The following NALF1 variants were observed in gnomAD, a reference collection of about 807,000 sequenced individuals.
NALF1 encodes NALCN channel auxiliary factor 1.
Under a neutral mutation model 48.4 loss-of-function variants are expected in NALF1, and 3 were observed. The observed-to-expected ratio is 0.06, with a 90% CI of 0.03 to 0.16. The LOEUF (loss-of-function observed/expected upper bound fraction) is 0.16, where lower values mean the gene tolerates loss of function less well. Among genes scored for constraint, NALF1 ranks in the 10% least tolerant of loss-of-function variants. The pLI is 1.00. For missense variants in NALF1, 526 were observed against 571.5 expected (o/e 0.92, Z 0.81); for synonymous variants, 262 against 245.7 (o/e 1.07, Z -0.62).
At chr13:107,518,641 T>G (rs1876138412) in intron 1 of NALF1, among the ~76,000 whole-genome samples, 1 of 152,100 alleles carries the variant, frequency 6.6e-6, no homozygotes, top group Admixed American at 6.5e-5. Flanking sequence ...GGACAGTAGA[T>G]ACACATAAAC....
At chr13:107,379,972 A>T (rs1006322042) in intron 1 of NALF1, among the ~76,000 whole-genome samples, 4 of 152,212 alleles carry the variant, frequency 2.6e-5, no homozygotes, top group African/African-American at 7.2e-5. Context: ...TCTCTTCCAG[A>T]GGCACAGGCT....
chr13:107,735,624 C>T (rs187849787), intron 1 of NALF1, among the ~76,000 whole-genome samples: 259 of 152,178 alleles, frequency 1.7e-3, no homozygotes, highest in East Asian at 2.1e-3. Flanking sequence ...CAAAACAGAC[C>T]CCTTAAGGAG....
chr13:107,358,045 C>G (rs772881083), intron 1 of NALF1, among the ~76,000 whole-genome samples: 1 of 152,006 alleles, frequency 6.6e-6, no homozygotes, highest in Non-Finnish European at 1.5e-5. Flanking sequence ...TATATGCACA[C>G]GTGTGCATAT....
intron 1 of NALF1, chr13:107,466,168 C>T (rs976019930): frequency 2.0e-5 from 3 of 152,174 alleles, no homozygotes. Flanking sequence ...AAAAACAGTG[C>T]AGGAAAAGGG....
intron 1 of NALF1, among the ~76,000 whole-genome samples, chr13:107,536,123 C>T (rs1876799900): frequency 6.6e-6 from 1 of 152,124 alleles, no homozygotes; most frequent in South Asian, 2.1e-4. Context: ...CCATAAAAAT[C>T]CTAGAAGAAA....
intron 1 of NALF1, among the ~76,000 whole-genome samples, chr13:107,411,741 A>T (rs1163510753): frequency 8.5e-5 from 13 of 152,190 alleles, no homozygotes; most frequent in Admixed American, 8.5e-4. Context: ...CAACGGCCTC[A>T]CTACTGAACT....
At chr13:107,594,664 T>C (rs1448968843) in intron 1 of NALF1, among the ~76,000 whole-genome samples, 1 of 152,108 alleles carries the variant, frequency 6.6e-6, no homozygotes, top group African/African-American at 2.4e-5. Context: ...TATATTCATA[T>C]AAGTTTGTGT....
chr13:107,369,018 G>A (rs1883202105), intron 1 of NALF1, among the ~76,000 whole-genome samples: 1 of 152,156 alleles, frequency 6.6e-6, no homozygotes, highest in Non-Finnish European at 1.5e-5. Context: ...GCAGTTCCCT[G>A]CCTGCCTAAC....
rs575784099 is a variant in NALF1 at position 107,438,055 on chromosome 13, G to T, written c.916-227300C>A. On this transcript the variant is annotated intron_variant, in intron 1 of 2. Transcript: ENST00000375915. Reference sequence around the variant, plus strand: ...ATGTGGACATCCAATGTATTTTTCAGTTTTTCTACATGGTTGTAAATTATT... The same window carrying T: ...ATGTGGACATCCAATGTATTTTTCATTTTTTCTACATGGTTGTAAATTATT... Among the ~76,000 whole-genome samples, 19 of 152,196 alleles carry T rather than the reference G, an allele frequency of 1.2e-4. 1 individual carries two copies. In the East Asian group the frequency reaches 3.7e-3, roughly 29 times the overall value.
chr13:107,663,454 G>A (rs1027437197), intron 1 of NALF1, among the ~76,000 whole-genome samples: 90 of 152,312 alleles, frequency 5.9e-4, no homozygotes, highest in African/African-American at 2.1e-3. Context: ...TGAGTCTTCG[G>A]TTAAAGGTTA....
chr13:107,426,298 CCCTGTGTGTT>C (rs1260336935), intron 1 of NALF1, among the ~76,000 whole-genome samples: 109 of 152,206 alleles, frequency 7.2e-4, no homozygotes, highest in African/African-American at 2.5e-3. Context: ...AGGTTTCTTT[CCCTGTGTGTT>C]CCTTCCTATA....
At chr13:107,472,427 T>A (rs924094945) in intron 1 of NALF1, among the ~76,000 whole-genome samples, 1 of 152,184 alleles carries the variant, frequency 6.6e-6, no homozygotes, top group Non-Finnish European at 1.5e-5. Context: ...TGAAGTATTG[T>A]TCCTGGGTGT....
At chr13:107,518,969 G>A (rs1728974098) in intron 1 of NALF1, among the ~76,000 whole-genome samples, 2 of 152,198 alleles carry the variant, frequency 1.3e-5, no homozygotes, top group African/African-American at 4.8e-5. Context: ...TAAGGTTGAA[G>A]TAAACTAGCA....
chr13:107,778,862 G>A (rs1052681652), intron 1 of NALF1, among the ~76,000 whole-genome samples: 1 of 152,098 alleles, frequency 6.6e-6, no homozygotes, highest in African/African-American at 2.4e-5. Context: ...CTCAACATCA[G>A]TTCTCACTAT....
intron 1 of NALF1, among the ~76,000 whole-genome samples, chr13:107,221,652 G>A (rs573227609): frequency 3.9e-5 from 6 of 152,186 alleles, no homozygotes; most frequent in South Asian, 2.1e-4. Flanking sequence ...TTCAATGCAC[G>A]GTATCTGTGA....
At chr13:107,814,497 C>T (rs555353839) in intron 1 of NALF1, among the ~76,000 whole-genome samples, 6 of 152,014 alleles carry the variant, frequency 3.9e-5, no homozygotes, top group Admixed American at 2.0e-4. Flanking sequence ...GTATATTATG[C>T]GAACAGCAAC....
Position 107,381,556 on chromosome 13 carries a change from C to T in NALF1, c.916-170801G>A, listed in dbSNP as rs113553142. Among the ~76,000 whole-genome samples, 617 of 151,936 alleles carry T rather than the reference C, an allele frequency of 4.1e-3. 6 individuals carry two copies. The highest frequency in any genetic ancestry group is 0.013 in the African/African-American group (551 of 41,466). ...TTCTGCCACCTGCATCCCTACGCAC[C>T]GCCCCACCACCCCACCCACTCCCAC... On this transcript the variant is annotated intron_variant, in intron 1 of 2. Transcript: ENST00000375915.
chr13:107,414,458 C>T (rs1043207842), intron 1 of NALF1, among the ~76,000 whole-genome samples: 15 of 149,870 alleles, frequency 1.0e-4, no homozygotes, highest in African/African-American at 2.9e-4. Context: ...CTATTATATT[C>T]GGTAACAAAT....
intron 1 of NALF1, among the ~76,000 whole-genome samples, chr13:107,338,004 A>T (rs1882592451): frequency 6.6e-6 from 1 of 152,240 alleles, no homozygotes; most frequent in Non-Finnish European, 1.5e-5. Context: ...ATCAGTAACT[A>T]AAAAGCTGTT....
Sources: allele counts gnomAD v4.1 joint callset (sites outside exome capture counted in the v4.1 genomes callset), GRCh38; gene constraint gnomAD v4.1.1; transcripts MANE v1.5; gene names NCBI Gene and HGNC (gene_info 2026-07-23, HGNC 2026-07-21).